The following SLC22A24 variants were observed in gnomAD, a reference collection of about 807,000 sequenced individuals.
SLC22A24 encodes solute carrier family 22 member 24.
A neutral mutation model predicts 49.8 loss-of-function variants in SLC22A24; 53 were observed. That is an observed-to-expected ratio of 1.06 (90% CI 0.85 to 1.34). The LOEUF (loss-of-function observed/expected upper bound fraction) is 1.34. SLC22A24 is among the 40% of genes most tolerant of loss of function. The pLI, the probability that SLC22A24 is intolerant of heterozygous loss-of-function variation, is 0.00. For synonymous variants in SLC22A24, 302 were observed against 256.4 expected (o/e 1.18, Z -1.70); for missense variants, 786 against 675.9 (o/e 1.16, Z -1.81).
At chr11:63,083,942 T>A (rs1565322037) in intron 6 of SLC22A24, among the ~76,000 whole-genome samples, 1 of 152,096 alleles carries the variant, frequency 6.6e-6, no homozygotes, top group Non-Finnish European at 1.5e-5. Context: ...TTTACCTTAG[T>A]CTTAGTAATC....
At position 63,113,189 on chromosome 11, in the gene SLC22A24, CACATATATATATACATATATAT is replaced by C. The variant is rs1565332291; in HGVS notation, c.830+5701_830+5722del. On this transcript the variant is annotated intron_variant, in intron 4 of 9. Transcript: ENST00000612278. ...ACACATATATATACATATATATATA[CACATATATATATACATATATAT>C]ACACATATATATATATACATATATA... is the stretch of plus-strand genomic sequence containing the variant. Among the ~76,000 whole-genome samples, 57 of 7,840 alleles carry C rather than the reference CACATATATATATACATATATAT, an allele frequency of 7.3e-3. 13 individuals carry two copies. Among genetic ancestry groups the C allele is most frequent in the African/African-American group, 0.015 (57 of 3,828 alleles). 5.1% of individuals were successfully genotyped at this position (7,840 alleles called of 152,430 possible). A position where few individuals can be genotyped will look rare whatever the true frequency, so the allele number is the denominator to read the frequency against.
rs2087181151 is a variant in SLC22A24, at chr11:63,113,067, TACATATATATAC to T, written c.830+5833_830+5844del. ...ATATATATATATACATATATATATATACATATATATACACATATATATACATATATATATACA... is the reference window on the plus strand; with the variant it reads ...ATATATATATATACATATATATATATACATATATATACATATATATATACA... On this transcript the variant is annotated intron_variant, in intron 4 of 9. Transcript: ENST00000612278. Among the ~76,000 whole-genome samples the T allele has an allele frequency of 5.7e-3, 8 of 1,394 alleles. 3 individuals carry two copies. The highest frequency in any genetic ancestry group is 6.6e-3 in the African/African-American group (8 of 1,204). The allele number at this position is 1,394 out of a possible 152,430, so 0.9% of individuals were successfully genotyped here. A position where few individuals can be genotyped will look rare whatever the true frequency, so the allele number is the denominator to read the frequency against.
At position 63,119,087 on chromosome 11, in the gene SLC22A24, G is replaced by A. The variant is rs1186356717; in HGVS notation, c.662-7C>T. 1.3e-6 allele frequency: 2 copies of A among 1,544,404 alleles called. No individual in the cohort carries two copies. The highest frequency in any genetic ancestry group is 2.4e-5 in the South Asian group (2 of 83,224). ...GGCAATGTCCACTCTAAGCCTGGAA[G>A]AAAACATATACATAGTAATAATTTT... On this transcript the variant is annotated splice_polypyrimidine_tract_variant and splice_region_variant and intron_variant, in intron 3 of 9. Coordinates refer to ENST00000612278, the MANE Select transcript of SLC22A24 (RefSeq NM_001136506.2).
At chr11:63,112,933 T>G (rs1281818771) in intron 4 of SLC22A24, among the ~76,000 whole-genome samples, 10 of 141,664 alleles carry the variant, frequency 7.1e-5, no homozygotes. Context: ...GAGAATGGCG[T>G]GAACCCGGGA....
chr11:63,095,699 C>A (rs1353535138), intron 6 of SLC22A24, among the ~76,000 whole-genome samples: 1 of 152,008 alleles, frequency 6.6e-6, no homozygotes, highest in Non-Finnish European at 1.5e-5. Flanking sequence ...ATTAGAAAAT[C>A]AAAAAATTAA....
intron 2 of SLC22A24, among the ~76,000 whole-genome samples, chr11:63,121,793 C>T (rs550334428): frequency 1.3e-5 from 2 of 152,184 alleles, no homozygotes; most frequent in African/African-American, 2.4e-5. Context: ...CCCGACTCCC[C>T]GCCACCCCAC....
At chr11:63,094,071 A>G (rs1180962056) in intron 6 of SLC22A24, among the ~76,000 whole-genome samples, 1 of 151,678 alleles carries the variant, frequency 6.6e-6, no homozygotes, top group Non-Finnish European at 1.5e-5. Context: ...TACATGTGCC[A>G]TGTTGGTGTG....
Position 63,125,985 on chromosome 11 carries a change from G to A in SLC22A24, c.507-6650C>T, listed in dbSNP as rs573290802. Among the ~76,000 whole-genome samples the A allele has an allele frequency of 7.0e-4, 106 of 152,170 alleles. 1 individual carries two copies. The highest frequency in any genetic ancestry group is 6.8e-3 in the Middle Eastern group (2 of 294). ...TGAGAAGTGTCTGTTCATATCCTTC[G>A]CCCACTTTTTGATGGGGTCGTTTGT... On this transcript the variant is annotated intron_variant, in intron 2 of 9. Coordinates refer to ENST00000612278, the MANE Select transcript of SLC22A24 (RefSeq NM_001136506.2).
At chr11:63,085,740 T>C (rs2086983588) in intron 6 of SLC22A24, among the ~76,000 whole-genome samples, 1 of 152,204 alleles carries the variant, frequency 6.6e-6, no homozygotes, top group South Asian at 2.1e-4. Flanking sequence ...TCCATAGACA[T>C]CAGGAGGTCA....
intron 4 of SLC22A24, among the ~76,000 whole-genome samples, chr11:63,112,641 C>A (rs2087174468): frequency 6.6e-6 from 1 of 151,992 alleles, no homozygotes; most frequent in Non-Finnish European, 1.5e-5. Context: ...TTAGTTATTT[C>A]TTGCCTTCTG....
chr11:63,136,720 G>A (rs1422140288), intron 1 of SLC22A24, among the ~76,000 whole-genome samples: 1 of 152,196 alleles, frequency 6.6e-6, no homozygotes, highest in African/African-American at 2.4e-5. Context: ...GCAAATTTGG[G>A]AGCTCATCTG....
chr11:63,120,521 T>A (rs986907427), intron 2 of SLC22A24, among the ~76,000 whole-genome samples: 3 of 151,348 alleles, frequency 2.0e-5, no homozygotes, highest in Admixed American at 2.0e-4. Context: ...CAGAAACTGG[T>A]AGAAAGTTTA....
rs558179102 is a variant in SLC22A24 at position 63,089,794 on chromosome 11, G to T, written c.1070+6197C>A. 2.6e-5 allele frequency among the ~76,000 whole-genome samples: 4 copies of T among 152,114 alleles called. No homozygotes were observed. The East Asian group carries it at 5.8e-4, about 22-fold the overall frequency. On this transcript the variant is annotated intron_variant, in intron 6 of 9. Coordinates refer to ENST00000612278, the MANE Select transcript of SLC22A24 (RefSeq NM_001136506.2). ...GCCAACGAAGATTAAAAAAGACAAA[G>T]AACAAGGCCGGCCGCGGTGGCTCAC...
chr11:63,115,644 C>T (rs2087207188), intron 4 of SLC22A24, among the ~76,000 whole-genome samples: 1 of 152,196 alleles, frequency 6.6e-6, no homozygotes, highest in Non-Finnish European at 1.5e-5. Flanking sequence ...CCATCTTCTG[C>T]ATCGATCACA....
chr11:63,143,588 G>A lies in SLC22A24; in HGVS notation c.192C>T (p.Thr64=), dbSNP rs749807714. The part of the protein sequence containing the change: ...LDNDTVSDND[T]GTLSKDDLLR... Reference sequence around the variant, plus strand: ...GGAGGTCATCCTTGCTGAGGGTCCCGGTATCATTGTCAGACACAGTGTCAT... The same window carrying A: ...GGAGGTCATCCTTGCTGAGGGTCCCAGTATCATTGTCAGACACAGTGTCAT... Residue 64 remains threonine, a synonymous_variant, in exon 1 of 10, where the codon ACC becomes ACT. Transcript: ENST00000612278. 136 of 1,569,846 alleles carry A rather than the reference G, an allele frequency of 8.7e-5. 1 individual carries two copies. In the South Asian group the frequency reaches 8.7e-4, roughly 10 times the overall value.
chr11:63,102,983 A>G (rs578116697), intron 5 of SLC22A24, among the ~76,000 whole-genome samples: 1 of 152,296 alleles, frequency 6.6e-6, no homozygotes, highest in East Asian at 1.9e-4. Flanking sequence ...TACAAACACA[A>G]AGGTCCTATA....
chr11:63,104,517 T>G (rs2087108968), intron 4 of SLC22A24, among the ~76,000 whole-genome samples: 1 of 152,134 alleles, frequency 6.6e-6, no homozygotes, highest in Non-Finnish European at 1.5e-5. Context: ...ACCATGAGTG[T>G]GTTAGTCCAT....
intron 5 of SLC22A24, among the ~76,000 whole-genome samples, chr11:63,099,371 A>ATTTTT (rs56708217): frequency 0.022 from 1,139 of 52,318 alleles, 188 homozygotes; most frequent in African/African-American, 0.039. Flanking sequence ...AATTTTTAAG[A>ATTTTT]TTTTTTTTTT....
chr11:63,089,720 CA>C (rs1395294668), intron 6 of SLC22A24, among the ~76,000 whole-genome samples: 3 of 151,672 alleles, frequency 2.0e-5, no homozygotes, highest in East Asian at 1.9e-4. Flanking sequence ...AAATGGCAAG[CA>C]AAAAAAGCAG....
Sources: allele counts gnomAD v4.1 joint callset (sites outside exome capture counted in the v4.1 genomes callset), GRCh38; gene constraint gnomAD v4.1.1; transcripts MANE v1.5; gene names NCBI Gene and HGNC (gene_info 2026-07-23, HGNC 2026-07-21).